The following DLG2 variants were observed in gnomAD, a reference collection of about 807,000 sequenced individuals.
DLG2 encodes discs large MAGUK scaffold protein 2, also known as disks large homolog 2.
A neutral mutation model predicts 132.5 loss-of-function variants in DLG2; 45 were observed. The ratio of observed to expected loss-of-function variants is 0.34; its 90% CI spans 0.27 to 0.44. The LOEUF is 0.44. Among genes scored for constraint, DLG2 ranks in the 20% least tolerant of loss-of-function variants. DLG2 has a pLI of 1.00. For synonymous variants in DLG2, 424 were observed against 419.6 expected, an observed-to-expected ratio of 1.01 and a Z score of -0.13; for missense variants, 1,045 against 1,196.9, an observed-to-expected ratio of 0.87 and a Z score of 1.87.
chr11:85,587,412 A>C (rs1239781439), intron 3 of DLG2, among the ~76,000 whole-genome samples: 1 of 151,980 alleles, frequency 6.6e-6, no homozygotes, highest in African/African-American at 2.4e-5. Flanking sequence ...TAGGATTATG[A>C]TATTTTCTTG....
intron 6 of DLG2, among the ~76,000 whole-genome samples, chr11:84,714,713 T>G (rs1439729163): frequency 6.7e-6 from 1 of 149,068 alleles, no homozygotes; most frequent in Non-Finnish European, 1.5e-5. Context: ...TTCCCATCTT[T>G]CCCTTCCTAT....
At chr11:84,167,274 T>C (rs367674314) in intron 8 of DLG2, among the ~76,000 whole-genome samples, 5 of 152,358 alleles carry the variant, frequency 3.3e-5, no homozygotes, top group East Asian at 3.9e-4. Context: ...GTTCTGAGCA[T>C]GTAGCCTTCC....
chr11:85,289,623 G>A (rs1040742118), intron 3 of DLG2, among the ~76,000 whole-genome samples: 2 of 152,080 alleles, frequency 1.3e-5, no homozygotes, highest in East Asian at 1.9e-4. Flanking sequence ...TAAAACATAC[G>A]CCTATGCTTC....
intron 2 of DLG2, among the ~76,000 whole-genome samples, chr11:85,620,545 T>C (rs1351816235): frequency 6.6e-6 from 1 of 152,144 alleles, no homozygotes; most frequent in African/African-American, 2.4e-5. Flanking sequence ...AAGGAAAAAC[T>C]CTTGAAGGAA....
intron 3 of DLG2, among the ~76,000 whole-genome samples, chr11:85,457,848 C>G (rs2092471073): frequency 6.6e-6 from 1 of 152,112 alleles, no homozygotes; most frequent in African/African-American, 2.4e-5. Context: ...CGTCCCTTCT[C>G]TCTAGCTGCC....
At chr11:83,969,777 T>G (rs1485129254) in intron 12 of DLG2, among the ~76,000 whole-genome samples, 2 of 152,120 alleles carry the variant, frequency 1.3e-5, no homozygotes, top group Admixed American at 6.6e-5. Context: ...TTCACCATGT[T>G]GGCCAGGCTG....
chr11:84,802,210 ATCTC>A (rs1256321127), intron 6 of DLG2, among the ~76,000 whole-genome samples: 1 of 152,154 alleles, frequency 6.6e-6, no homozygotes, highest in Middle Eastern at 3.2e-3. Flanking sequence ...TAACTGCATA[ATCTC>A]TCTGTGTCCA....
intron 6 of DLG2, among the ~76,000 whole-genome samples, chr11:84,927,839 G>C (rs1170006453): frequency 1.3e-5 from 2 of 151,868 alleles, no homozygotes; most frequent in African/African-American, 4.8e-5. Context: ...CAGTCTTTGG[G>C]CTAGGTGCAT....
intron 18 of DLG2, among the ~76,000 whole-genome samples, chr11:83,742,445 T>C (rs936288207): frequency 6.6e-6 from 1 of 152,122 alleles, no homozygotes; most frequent in African/African-American, 2.4e-5. Context: ...GAAGGTTAAT[T>C]TTCCATAGTC....
At chr11:83,845,173 C>CT (rs1334899959) in intron 16 of DLG2, among the ~76,000 whole-genome samples, 1 of 151,962 alleles carries the variant, frequency 6.6e-6, no homozygotes, top group Non-Finnish European at 1.5e-5. Context: ...TTCCTGAATC[C>CT]TTTTTCCTTC....
chr11:84,465,309 C>T lies in DLG2; in HGVS notation c.519+69261G>A, dbSNP rs2099091244. Among the ~76,000 whole-genome samples the T allele has an allele frequency of 2.0e-5, 3 of 151,282 alleles. 1 individual carries two copies. Among genetic ancestry groups the T allele is most frequent in the Middle Eastern group, 6.8e-3 (2 of 294 alleles). The stretch of plus-strand genomic sequence containing the variant: ...CGGGAAAGTTGCCAGGACCAGATGG[C>T]TTCTGCCAGTGGGTTTTTGTTTTTA... On this transcript the variant is annotated intron_variant, in intron 7 of 27. Transcript: ENST00000376104.
intron 4 of DLG2, among the ~76,000 whole-genome samples, chr11:85,167,852 T>G (rs1204174066): frequency 6.6e-6 from 1 of 152,150 alleles, no homozygotes; most frequent in South Asian, 2.1e-4. Context: ...ATTACTTTTT[T>G]CCCCTACACT....
At chr11:83,872,237 T>C (rs982622589) in intron 16 of DLG2, among the ~76,000 whole-genome samples, 1 of 152,212 alleles carries the variant, frequency 6.6e-6, no homozygotes, top group African/African-American at 2.4e-5. Flanking sequence ...CACTTCAATC[T>C]GGGTGACAGA....
chr11:85,583,167 T>TATATAC, intron 3 of DLG2, among the ~76,000 whole-genome samples: 1 of 126,116 alleles, frequency 7.9e-6, no homozygotes, highest in African/African-American at 2.9e-5. Context: ...TATATATATA[T>TATATAC]ATGTTTTGTT....
chr11:83,970,846 G>A (rs1366429498), intron 12 of DLG2, among the ~76,000 whole-genome samples: 1 of 152,162 alleles, frequency 6.6e-6, no homozygotes, highest in African/African-American at 2.4e-5. Context: ...TCTGTGAACT[G>A]ATGAGTTTAA....
chr11:85,489,899 T>C (rs1360979968), intron 3 of DLG2, among the ~76,000 whole-genome samples: 1 of 152,004 alleles, frequency 6.6e-6, no homozygotes, highest in Non-Finnish European at 1.5e-5. Flanking sequence ...AATGAGTAAA[T>C]AAAAATAAAA....
chr11:83,869,963 C>G (rs992352922), intron 16 of DLG2, among the ~76,000 whole-genome samples: 1 of 152,182 alleles, frequency 6.6e-6, no homozygotes, highest in Non-Finnish European at 1.5e-5. Context: ...ATACTTCTTA[C>G]TCTTAGCAGT....
intron 6 of DLG2, among the ~76,000 whole-genome samples, chr11:85,109,426 T>C (rs952988508): frequency 1.1e-4 from 17 of 152,072 alleles, no homozygotes; most frequent in African/African-American, 4.1e-4. Flanking sequence ...GGAAGAGTCT[T>C]AAATGTAGTT....
At chr11:85,003,924 T>C (rs1267918360) in intron 6 of DLG2, among the ~76,000 whole-genome samples, 1 of 152,180 alleles carries the variant, frequency 6.6e-6, no homozygotes, top group East Asian at 1.9e-4. Context: ...ACTGTGTCCA[T>C]GTGTTCTCAT....
Sources: allele counts gnomAD v4.1 joint callset (sites outside exome capture counted in the v4.1 genomes callset), GRCh38; gene constraint gnomAD v4.1.1; transcripts MANE v1.5; gene names NCBI Gene and HGNC (gene_info 2026-07-23, HGNC 2026-07-21).